ZNF479: variants seen among roughly 807,000 people sequenced by gnomAD.
ZNF479 encodes KRAB zinc finger protein KR19.
A neutral mutation model predicts 14.7 loss-of-function variants in ZNF479; 15 were observed. That is an observed-to-expected ratio of 1.02 (90% confidence interval 0.68 to 1.57). ZNF479 has a LOEUF of 1.57. Ranked by LOEUF, ZNF479 falls within the 40% of genes most tolerant of loss-of-function variation. The pLI, the probability that ZNF479 is intolerant of heterozygous loss-of-function variation, is 0.00. For synonymous variants in ZNF479, 145 were observed against 211.5 expected (o/e 0.69, Z 2.73); for missense variants, 506 against 615.1 (o/e 0.82, Z 1.88).
At chr7:57,135,338 T>TA (rs1380363303), upstream of ZNF479, among the ~76,000 whole-genome samples, 1 of 152,230 alleles carries the variant, frequency 6.6e-6, no homozygotes, top group Non-Finnish European at 1.5e-5. Context: ...CCCCTCTCAG[T>TA]AAAGTCCCTC....
rs781933044 is a variant in ZNF479, at chr7:57,121,007, C to G, written c.408G>C (p.Glu136Asp). 2 of 1,614,022 alleles carry G rather than the reference C, an allele frequency of 1.2e-6. No homozygotes were observed. Among genetic ancestry groups the G allele is most frequent in the South Asian group, 2.2e-5 (2 of 91,080 alleles). The change falls in exon 4 of 4, where the codon GAG becomes GAC. Residue 136 changes from glutamate to aspartate, a missense_variant. Coordinates refer to ENST00000319636, the MANE Select transcript of ZNF479 (RefSeq NM_001370129.2). The part of the protein sequence containing the change: ...KKCCKSVGEY[E>D]VHKGGYSEVN... ...CTTCACTATAACCTCCCTTGTGCACCTCATATTCACCCACACTTTTACAGC... is the reference window on the plus strand; with the variant it reads ...CTTCACTATAACCTCCCTTGTGCACGTCATATTCACCCACACTTTTACAGC...
chr7:57,129,371 C>T (rs1285963651), intron 1 of ZNF479, among the ~76,000 whole-genome samples: 2 of 152,112 alleles, frequency 1.3e-5, no homozygotes, highest in Non-Finnish European at 2.9e-5. Context: ...TTACAAGTCC[C>T]CTGTAAATGC....
At chr7:57,122,345 G>T (rs1332066226) in intron 3 of ZNF479, among the ~76,000 whole-genome samples, 2 of 121,032 alleles carry the variant, frequency 1.7e-5, no homozygotes, top group African/African-American at 2.6e-5. Context: ...ATGAATAAAT[G>T]CTGGCACATA....
upstream of ZNF479, among the ~76,000 whole-genome samples, chr7:57,136,755 T>C (rs140288669): frequency 2.6e-4 from 39 of 152,288 alleles, no homozygotes; most frequent in East Asian, 7.3e-3. Context: ...AAATGAGTCC[T>C]TTCTGATTTG....
chr7:57,138,603 G>A (rs1310589139), intron 1 of ZNF479, among the ~76,000 whole-genome samples: 1 of 152,188 alleles, frequency 6.6e-6, no homozygotes, highest in Non-Finnish European at 1.5e-5. Context: ...AGTAGGAGAG[G>A]TATTGACTTT....
At chr7:57,129,925 A>T (rs961162605) in intron 1 of ZNF479, among the ~76,000 whole-genome samples, 8 of 152,216 alleles carry the variant, frequency 5.3e-5, no homozygotes, top group Non-Finnish European at 1.0e-4. Context: ...CAGAAATAAA[A>T]TTTTTGAAAC....
At position 57,132,004 on chromosome 7, in the gene ZNF479, T is replaced by C. The variant is rs190111361; in HGVS notation, c.39+282A>G. 1.7e-3 allele frequency among the ~76,000 whole-genome samples: 252 copies of C among 152,170 alleles called. 1 individual carries two copies. The highest frequency in any genetic ancestry group is 5.9e-3 in the African/African-American group (244 of 41,538). On this transcript the variant is annotated intron_variant, in intron 1 of 3. Coordinates refer to ENST00000319636, the MANE Select transcript of ZNF479 (RefSeq NM_001370129.2). ...TGATGACTTTCCTATCCCTGTACAATCTGGGTGAGATGAGGCGCTGGGAGT... is the reference window on the plus strand; with the variant it reads ...TGATGACTTTCCTATCCCTGTACAACCTGGGTGAGATGAGGCGCTGGGAGT...
chr7:57,121,309 A>T (rs1237120967), intron 3 of ZNF479, among the ~76,000 whole-genome samples, 157 bp from the exon 4 acceptor site: 1 of 152,190 alleles, frequency 6.6e-6, no homozygotes, highest in East Asian at 1.9e-4. Flanking sequence ...AATGTAACAA[A>T]ATCATAGTGA....
chr7:57,125,837 G>T (rs956303446), intron 3 of ZNF479, among the ~76,000 whole-genome samples, 181 bp downstream of exon 3: 2 of 152,216 alleles, frequency 1.3e-5, no homozygotes, highest in African/African-American at 4.8e-5. Context: ...AATCCTTAGA[G>T]ACTTTAACAG....
chr7:57,130,086 G>T (rs935481509), intron 1 of ZNF479, among the ~76,000 whole-genome samples: 1 of 152,172 alleles, frequency 6.6e-6, no homozygotes, highest in Non-Finnish European at 1.5e-5. Context: ...AATTTCAAAA[G>T]TAAGAGCAAA....
chr7:57,131,597 A>AAAAG (rs71527705), intron 1 of ZNF479, among the ~76,000 whole-genome samples: 1 of 118,122 alleles, frequency 8.5e-6, no homozygotes, highest in African/African-American at 2.7e-5. Flanking sequence ...CAAAAAAAAA[A>AAAAG]CATTTCTTGT....
chr7:57,127,009 GTTTTTCT>G (rs1441242795), intron 1 of ZNF479, among the ~76,000 whole-genome samples: 1 of 142,332 alleles, frequency 7.0e-6, no homozygotes, highest in African/African-American at 2.5e-5. Context: ...TTTCTTTTCT[GTTTTTCT>G]TTTTTTTTTC....
upstream of ZNF479, among the ~76,000 whole-genome samples, chr7:57,133,971 A>G (rs1412851270): frequency 6.6e-6 from 1 of 152,258 alleles, no homozygotes; most frequent in Non-Finnish European, 1.5e-5. Context: ...ATTAGCATGT[A>G]ATGGTTAATA....
upstream of ZNF479, among the ~76,000 whole-genome samples, chr7:57,136,246 G>T (rs1273851920): frequency 1.3e-5 from 2 of 152,024 alleles, no homozygotes; most frequent in Non-Finnish European, 2.9e-5. Flanking sequence ...TAGCCAGGGT[G>T]GTGGCAGACA....
chr7:57,137,053 G>T (rs1227593633), upstream of ZNF479, among the ~76,000 whole-genome samples: 1 of 152,146 alleles, frequency 6.6e-6, no homozygotes, highest in Admixed American at 6.6e-5. Flanking sequence ...GGGAGGTTAT[G>T]GTAGTGAAGT....
At chr7:57,138,506 A>G (rs750546682) in intron 1 of ZNF479, among the ~76,000 whole-genome samples, 5 of 152,082 alleles carry the variant, frequency 3.3e-5, no homozygotes, top group Non-Finnish European at 5.9e-5. Context: ...TGACCATCCA[A>G]TGTGGATCTG....
chr7:57,139,383 C>G (rs1236810270), intron 1 of ZNF479, among the ~76,000 whole-genome samples: 1 of 152,218 alleles, frequency 6.6e-6, no homozygotes, highest in Non-Finnish European at 1.5e-5. Context: ...GGTTCAGGCT[C>G]TCATGCACAC....
At chr7:57,138,810 T>G (rs1380980051) in intron 1 of ZNF479, among the ~76,000 whole-genome samples, 1 of 152,166 alleles carries the variant, frequency 6.6e-6, no homozygotes, top group Admixed American at 6.5e-5. Flanking sequence ...CACCTTTATA[T>G]AGGGAGAGAG....
chr7:57,120,606 G>A lies in ZNF479; in HGVS notation c.809C>T (p.Thr270Met), dbSNP rs782236188. The A allele has an allele frequency of 1.2e-4, 190 of 1,613,684 alleles. No homozygotes were observed. In the South Asian group the frequency reaches 1.4e-3, roughly 12 times the overall value. ...AAAGGCTTGGCCACATTCTTCACAC[G>A]TGTAGGGTTTCTCTCCAGTATGAGT... ...KRTHTGEKPYTCEECGQAFRR... is the reference protein window; with the variant it reads ...KRTHTGEKPYMCEECGQAFRR... Residue 270 changes from threonine to methionine, a missense_variant, in exon 4 of 4, where the codon ACG (threonine) becomes ATG (methionine). Coordinates refer to ENST00000319636, the MANE Select transcript of ZNF479 (RefSeq NM_001370129.2).
Sources: allele counts gnomAD v4.1 joint callset (sites outside exome capture counted in the v4.1 genomes callset), GRCh38; gene constraint gnomAD v4.1.1; transcripts MANE v1.5; gene names NCBI Gene and HGNC (gene_info 2026-07-23, HGNC 2026-07-21).